PSMG3: variants seen among roughly 807,000 people sequenced by gnomAD.
PSMG3 encodes the protein proteasome assembly chaperone 3, also known as PAC-3.
Under a neutral mutation model 7.9 loss-of-function variants are expected in PSMG3, and 4 were observed. The ratio of observed to expected loss-of-function variants is 0.51; its 90% confidence interval spans 0.25 to 1.16. PSMG3 has a LOEUF of 1.16. Ranked by LOEUF, PSMG3 falls within the 50% of genes most tolerant of loss-of-function variation. The pLI is 0.15. For missense variants in PSMG3, 151 were observed against 157.4 expected (o/e 0.96, Z 0.22); for synonymous variants, 81 against 69.8 (o/e 1.16, Z -0.80).
Position 1,567,740 on chromosome 7 carries a change from C to T in PSMG3, c.327G>A (p.Leu109=), listed in dbSNP as rs763833266. The T allele has an allele frequency of 1.2e-6, 2 of 1,614,192 alleles. No homozygotes were observed. Among genetic ancestry groups the T allele is most frequent in the Admixed American group, 3.3e-5 (2 of 60,016 alleles). ...VAVKDKSMEG[L]KALREVIRVC... ...CCCGGATCACCTCCCTCAGCGCCTTCAGCCCCTCCATGCTTTTGTCCTTCA... is the reference window on the plus strand; with the variant it reads ...CCCGGATCACCTCCCTCAGCGCCTTTAGCCCCTCCATGCTTTTGTCCTTCA... The change falls in exon 2 of 2, where the codon CTG becomes CTA. Residue 109 remains leucine (L), a synonymous_variant. Coordinates refer to ENST00000288607, the MANE Select transcript of PSMG3 (RefSeq NM_032302.4).
rs1323997326 is a variant in PSMG3, at chr7:1,569,690, G to A, written c.-351C>T. ...TGAGGCGGGAAGATCGCTTCAGCCC[G>A]GGAGGTCGAGGCTGCGGTGAGCCGT... On this transcript the variant is annotated 5_prime_UTR_variant, in exon 1 of 2. Coordinates refer to ENST00000288607, the MANE Select transcript of PSMG3 (RefSeq NM_032302.4). 1.9e-5 allele frequency: 4 copies of A among 215,534 alleles called. No homozygotes were observed. The highest frequency in any genetic ancestry group is 5.2e-5 in the Admixed American group (1 of 19,110). The allele number at this position is 215,534 out of a possible 1,614,324, so 13.4% of individuals were successfully genotyped here. A position where few individuals can be genotyped will look rare whatever the true frequency, so the allele number is the denominator to read the frequency against.
At chr7:1,567,969 A>G in intron 1 of PSMG3, 119 bp from the exon 2 acceptor site, 1 of 879,090 alleles carries the variant, frequency 1.1e-6, no homozygotes, top group East Asian at 2.7e-5. Context: ...ATTAACCGCC[A>G]CATAAGTCCA....
intron 1 of PSMG3, 59 bp from the exon 2 acceptor site, chr7:1,567,909 T>C: frequency 6.4e-7 from 1 of 1,565,714 alleles, no homozygotes. Context: ...TTTTCCTCAA[T>C]GCTTTCATGA....
chr7:1,569,121 T>C lies in PSMG3; in HGVS notation c.216+3A>G, dbSNP rs1286939368. On this transcript the variant is annotated splice_donor_region_variant and intron_variant, in intron 1 of 1. Coordinates refer to ENST00000288607, the MANE Select transcript of PSMG3 (RefSeq NM_032302.4). The stretch of plus-strand genomic sequence containing the variant: ...GCCACAGTTCCCGGCCAATCCACTT[T>C]ACCTCATCCTGCCCCAGAAGGACTT... The C allele has an allele frequency of 6.2e-7, 1 of 1,612,940 alleles. No individual in the cohort carries two copies. The highest frequency in any genetic ancestry group is 8.5e-7 in the Non-Finnish European group (1 of 1,179,730).
In PSMG3 at chr7:1,567,400, G is replaced by C. The variant is rs1253776128; in HGVS notation, c.*298C>G. The C allele has an allele frequency of 1.6e-5, 5 of 318,420 alleles. No homozygotes were observed. Among genetic ancestry groups the C allele is most frequent in the Non-Finnish European group, 2.9e-5 (5 of 175,360 alleles). 19.7% of individuals were successfully genotyped at this position (318,420 alleles called of 1,614,324 possible). A position where few individuals can be genotyped will look rare whatever the true frequency, so the allele number is the denominator to read the frequency against. ...CTACAATTGATCCTGCACACGGGGGGGCCATGAGCCACGCCTGCTGACTCA... is the reference window on the plus strand; with the variant it reads ...CTACAATTGATCCTGCACACGGGGGCGCCATGAGCCACGCCTGCTGACTCA... On this transcript the variant is annotated 3_prime_UTR_variant, in exon 2 of 2. Transcript: ENST00000288607.
chr7:1,567,612 GGGGA>G lies in PSMG3; in HGVS notation c.*82_*85del. The G allele has an allele frequency of 7.2e-7, 1 of 1,383,326 alleles. No homozygotes were observed. Among genetic ancestry groups the G allele is most frequent in the Non-Finnish European group, 9.8e-7 (1 of 1,020,496 alleles). 85.7% of individuals were successfully genotyped at this position (1,383,326 alleles called of 1,614,324 possible). A position where few individuals can be genotyped will look rare whatever the true frequency, so the allele number is the denominator to read the frequency against. On this transcript the variant is annotated 3_prime_UTR_variant, in exon 2 of 2. Coordinates refer to ENST00000288607, the MANE Select transcript of PSMG3 (RefSeq NM_032302.4). ...TAGTGCCAAAGTTCCTCCCTCCACC[GGGGA>G]GGGAGGTGAGACTTGAGTCCCTGAG...
chr7:1,568,414 G>C (rs998164623), intron 1 of PSMG3, among the ~76,000 whole-genome samples: 6 of 151,920 alleles, frequency 3.9e-5, no homozygotes, highest in South Asian at 2.1e-4. Context: ...AGCCACTGGA[G>C]AGGTTTATGC....
In PSMG3 at chr7:1,569,136, CAGA is replaced by C. The variant is rs780387349; in HGVS notation, c.201_203del (p.Leu68del). The C allele has an allele frequency of 5.0e-6, 8 of 1,613,420 alleles. No homozygotes were observed. Among genetic ancestry groups the C allele is most frequent in the African/African-American group, 1.3e-5 (1 of 75,054 alleles). On this transcript the variant is annotated inframe_deletion, in exon 1 of 2. Transcript: ENST00000288607. ...CAATCCACTTTACCTCATCCTGCCC[CAGA>C]AGGACTTTTGTGGTGAGCACAGGCT...
chr7:1,569,604 C>CAAA lies in PSMG3; in HGVS notation c.-266_-265insTTT. On this transcript the variant is annotated 5_prime_UTR_variant, in exon 1 of 2. Coordinates refer to ENST00000288607, the MANE Select transcript of PSMG3 (RefSeq NM_032302.4). ...CAACATAGCGAGACCCCCATCTCTA[C>CAAA]CAAAAAAAAAAAAAAAAAAAACCAG... The CAAA allele has an allele frequency of 5.1e-6, 1 of 194,524 alleles. No individual in the cohort carries two copies. The highest frequency in any genetic ancestry group is 9.7e-6 in the Non-Finnish European group (1 of 102,926). 12.0% of individuals were successfully genotyped at this position (194,524 alleles called of 1,614,324 possible).
At position 1,569,423 on chromosome 7, in the gene PSMG3, G is replaced by A; in HGVS notation, c.-84C>T. On this transcript the variant is annotated 5_prime_UTR_variant, in exon 1 of 2. Coordinates refer to ENST00000288607, the MANE Select transcript of PSMG3 (RefSeq NM_032302.4). ...GTCAATCAAACAGTACAGCCTTGGG[G>A]CTCCCAAAAAAGTAGCACGGGGCAT... 8.3e-7 allele frequency: 1 copy of A among 1,199,280 alleles called. No individual in the cohort carries two copies. Among genetic ancestry groups the A allele is most frequent in the Non-Finnish European group, 1.1e-6 (1 of 874,780 alleles). The allele number at this position is 1,199,280 out of a possible 1,614,324, so 74.3% of individuals were successfully genotyped here. A position where few individuals can be genotyped will look rare whatever the true frequency, so the allele number is the denominator to read the frequency against.
At chr7:1,568,185 C>T (rs1249431839) in intron 1 of PSMG3, among the ~76,000 whole-genome samples, 1 of 152,112 alleles carries the variant, frequency 6.6e-6, no homozygotes, top group Non-Finnish European at 1.5e-5. Context: ...GAGCACAGCA[C>T]AGCCAGCCGC....
At position 1,567,671 on chromosome 7, in the gene PSMG3, G is replaced by A; in HGVS notation, c.*27C>T. 1 of 1,603,386 alleles carries A rather than the reference G, an allele frequency of 6.2e-7. No individual in the cohort carries two copies. Among genetic ancestry groups the A allele is most frequent in the African/African-American group, 1.3e-5 (1 of 74,716 alleles). ...TGTCTGGGTGTTCACGTGTCCTGCT[G>A]AGCAGCGCGGGGCGGCTGCCTCCAG... On this transcript the variant is annotated 3_prime_UTR_variant, in exon 2 of 2. Transcript: ENST00000288607.
rs1213604980 is a variant in PSMG3 at position 1,570,000 on chromosome 7, C to A, written c.-661G>T. 1 of 151,978 alleles carries A rather than the reference C, an allele frequency of 6.6e-6. No homozygotes were observed. The highest frequency in any genetic ancestry group is 6.6e-5 in the Admixed American group (1 of 15,262). 9.4% of individuals were successfully genotyped at this position (151,978 alleles called of 1,614,324 possible). On this transcript the variant is annotated 5_prime_UTR_variant, in exon 1 of 2. Coordinates refer to ENST00000288607, the MANE Select transcript of PSMG3 (RefSeq NM_032302.4). ...CCGCCCGGGGAAGCCCGCGGGTACC[C>A]GCGCTCACCAAGCCGGCGCCGCGCC...
At chr7:1,568,764 C>A (rs1198109619) in intron 1 of PSMG3, among the ~76,000 whole-genome samples, 1 of 152,178 alleles carries the variant, frequency 6.6e-6, no homozygotes, top group East Asian at 1.9e-4. Context: ...TCTTCTGCCT[C>A]AGCCTCCTGA....
At position 1,567,725 on chromosome 7, in the gene PSMG3, C is replaced by A; in HGVS notation, c.342G>T (p.Glu114Asp). 1 of 1,614,132 alleles carries A rather than the reference C, an allele frequency of 6.2e-7. No homozygotes were observed. The highest frequency in any genetic ancestry group is 8.5e-7 in the Non-Finnish European group (1 of 1,180,008). ...KSMEGLKALR[E>D]VIRVCQVW ...ACCACACCTGGCACACCCGGATCAC[C>A]TCCCTCAGCGCCTTCAGCCCCTCCA... The change falls in exon 2 of 2, where the codon GAG becomes GAT. Residue 114 changes from glutamate (E) to aspartate (D), a missense_variant. Glu to Asp is a conservative substitution (Grantham distance 45). Transcript: ENST00000288607.
intron 1 of PSMG3, 34 bp downstream of exon 1, chr7:1,569,090 G>A (rs747935853): frequency 1.9e-6 from 3 of 1,592,978 alleles, no homozygotes; most frequent in Admixed American, 1.7e-5. Flanking sequence ...AGGGTTACAG[G>A]CGTGAGCCAC....
Position 1,569,454 on chromosome 7 carries a change from C to T in PSMG3, c.-115G>A, listed in dbSNP as rs1778838490. On this transcript the variant is annotated 5_prime_UTR_variant, in exon 1 of 2. Transcript: ENST00000288607. ...AAAAAAGTAGCACGGGGCATTGAAA[C>T]GGAAACGCAAGGAGGCCCATTCAAA... The T allele has an allele frequency of 1.2e-6, 1 of 866,346 alleles. No individual in the cohort carries two copies. The highest frequency in any genetic ancestry group is 1.7e-6 in the Non-Finnish European group (1 of 579,146). 53.7% of individuals were successfully genotyped at this position (866,346 alleles called of 1,614,324 possible).
At chr7:1,568,903 C>A (rs531299189) in intron 1 of PSMG3, among the ~76,000 whole-genome samples, 1 of 152,234 alleles carries the variant, frequency 6.6e-6, no homozygotes, top group Non-Finnish European at 1.5e-5. Flanking sequence ...CCGCCTCAGC[C>A]TCCCAAAGTG....
intron 1 of PSMG3, among the ~76,000 whole-genome samples, chr7:1,568,391 A>G (rs1399630345): frequency 1.3e-5 from 2 of 151,902 alleles, no homozygotes; most frequent in African/African-American, 4.8e-5. Context: ...CCATGTCCTT[A>G]CTGACAAATC....
Sources: gnomAD v4.1 joint callset for allele counts (sites outside exome capture counted in the v4.1 genomes callset) on GRCh38, gnomAD v4.1.1 for gene constraint, MANE v1.5 for transcripts, NCBI Gene and HGNC (gene_info 2026-07-23, HGNC 2026-07-21) for gene names.